The following SPAG17 variants were observed in gnomAD, a reference collection of about 807,000 sequenced individuals.
The protein encoded by SPAG17 is sperm-associated antigen 17.
Under a neutral mutation model 273.6 loss-of-function variants are expected in SPAG17, and 169 were observed. That is an observed-to-expected ratio of 0.62 (90% CI 0.55 to 0.70). The LOEUF is 0.70. Ranked by LOEUF, SPAG17 falls within the 30% of genes least tolerant of loss-of-function variation. The pLI is 0.00. For missense variants in SPAG17, 2,557 were observed against 2,627.8 expected (o/e 0.97, Z 0.59); for synonymous variants, 825 against 873.2 (o/e 0.94, Z 0.97).
intron 34 of SPAG17, among the ~76,000 whole-genome samples, chr1:117,995,570 G>C (rs1271559194): frequency 2.0e-5 from 3 of 151,846 alleles, no homozygotes; most frequent in Non-Finnish European, 4.4e-5. Flanking sequence ...TATTCACAAA[G>C]AGCAAGGTGT....
chr1:118,162,044 T>C (rs1433466685), intron 1 of SPAG17, among the ~76,000 whole-genome samples: 4 of 152,154 alleles, frequency 2.6e-5, no homozygotes, highest in African/African-American at 7.2e-5. Flanking sequence ...ATAATTCACA[T>C]ATCTCCTTCA....
chr1:117,961,452 T>C (rs1322939699), intron 48 of SPAG17: 2 of 152,192 alleles, frequency 1.3e-5, no homozygotes, highest in African/African-American at 4.8e-5. Context: ...TGGGGAAGTT[T>C]ATAAATGACT....
In SPAG17 at chr1:118,066,864, A is replaced by G. The variant is rs1571394760; in HGVS notation, c.2421T>C (p.Val807=). ...TGTCTTGGGTGTGGTAGTAAGAATCAACACACCTATATTGCTTATGGGCTT... is the reference window on the plus strand; with the variant it reads ...TGTCTTGGGTGTGGTAGTAAGAATCGACACACCTATATTGCTTATGGGCTT... The part of the protein sequence containing the change: ...LQEAHKQYRC[V]DSYYHTQDNS... The change falls in exon 18 of 49, where the codon GTT becomes GTC. Residue 807 remains valine (V), a synonymous_variant. Transcript: ENST00000336338. 1.2e-6 allele frequency: 2 copies of G among 1,613,856 alleles called. No homozygotes were observed. Among genetic ancestry groups the G allele is most frequent in the Non-Finnish European group, 1.7e-6 (2 of 1,179,874 alleles).
chr1:118,099,890 T>C lies in SPAG17; in HGVS notation c.635-90A>G, dbSNP rs1448936053. 4.5e-6 allele frequency: 5 copies of C among 1,108,326 alleles called. No individual in the cohort carries two copies. In the African/African-American group the frequency reaches 4.7e-5, roughly 10 times the overall value. The allele number at this position is 1,108,326 out of a possible 1,614,324, so 68.7% of individuals were successfully genotyped here. On this transcript the variant is annotated intron_variant, in intron 5 of 48. Transcript: ENST00000336338. ...GTTCAATGGCTATATACATTATGCA[T>C]GCATTTATAATCCCTCTGGCTTGCC...
rs778154577 is a variant in SPAG17 at position 118,028,279 on chromosome 1, G to T, written c.3725C>A (p.Ser1242Tyr). 7 of 1,613,286 alleles carry T rather than the reference G, an allele frequency of 4.3e-6. No homozygotes were observed. The highest frequency in any genetic ancestry group is 8.5e-7 in the Non-Finnish European group (1 of 1,179,542). The change falls in exon 26 of 49, where the codon TCT becomes TAT. Residue 1242 changes from serine (S) to tyrosine (Y), a missense_variant. Physicochemically the swap from Ser to Tyr is moderately radical, Grantham distance 144 (BLOSUM62 -2). Coordinates refer to ENST00000336338, the MANE Select transcript of SPAG17 (RefSeq NM_206996.4). ...GLLLTFIGQE[S>Y]TGQYVIDEEP... ...CTACCCCATATAGCACTTACCTGTA[G>T]ATTCTTGTCCAATGAAAGTCAACAG...
intron 20 of SPAG17, among the ~76,000 whole-genome samples, chr1:118,045,314 C>T (rs1221361069): frequency 1.3e-5 from 2 of 152,136 alleles, no homozygotes; most frequent in African/African-American, 4.8e-5. Flanking sequence ...ATCCCCAAAC[C>T]CCTCAGGAGG....
chr1:117,987,768 A>G (rs367781811), intron 40 of SPAG17, 66 bp downstream of exon 40: 2 of 1,549,336 alleles, frequency 1.3e-6, no homozygotes, highest in Non-Finnish European at 1.8e-6. Flanking sequence ...ATTTTGGCCT[A>G]TCCCATTCTC....
chr1:117,978,960 C>T (rs1471026066), intron 43 of SPAG17, among the ~76,000 whole-genome samples: 4 of 151,818 alleles, frequency 2.6e-5, no homozygotes, highest in Admixed American at 6.6e-5. Flanking sequence ...CTCTACCTCC[C>T]TGGTTCAAGC....
Position 118,031,586 on chromosome 1 carries a change from T to G in SPAG17, c.3609+106A>C, listed in dbSNP as rs1409054. On this transcript the variant is annotated intron_variant, in intron 25 of 48. Transcript: ENST00000336338. The stretch of plus-strand genomic sequence containing the variant: ...AAGGGACGTTAATGTATCTGCACAA[T>G]AAAACGTATGCACTATAATAACACT... 1.6e-3 allele frequency: 1,839 copies of G among 1,183,822 alleles called. 18 individuals are homozygous for G. The African/African-American group carries it at 0.025, about 16-fold the overall frequency. The allele number at this position is 1,183,822 out of a possible 1,614,324, so 73.3% of individuals were successfully genotyped here. A position where few individuals can be genotyped will look rare whatever the true frequency, so the allele number is the denominator to read the frequency against.
At chr1:118,097,227 C>CA (rs5777334) in intron 7 of SPAG17, among the ~76,000 whole-genome samples, 151 of 129,762 alleles carry the variant, frequency 1.2e-3, no homozygotes, top group East Asian at 3.9e-3. Context: ...AAGACTGTCT[C>CA]AAAAAAAAAA....
chr1:118,148,008 A>G (rs144699786), intron 3 of SPAG17, among the ~76,000 whole-genome samples: 1 of 152,338 alleles, frequency 6.6e-6, no homozygotes, highest in East Asian at 1.9e-4. Context: ...CCCTACAAGT[A>G]GAAGTAAATA....
At chr1:118,023,619 G>C (rs1349003266) in intron 27 of SPAG17, among the ~76,000 whole-genome samples, 156 bp from the exon 28 acceptor site, 2 of 152,110 alleles carry the variant, frequency 1.3e-5, no homozygotes, top group Non-Finnish European at 2.9e-5. Context: ...GTAGATTATA[G>C]AAAGGTAGAT....
intron 3 of SPAG17, among the ~76,000 whole-genome samples, chr1:118,140,641 T>C (rs1658628922): frequency 6.6e-6 from 1 of 152,214 alleles, no homozygotes; most frequent in African/African-American, 2.4e-5. Context: ...TTCTTCCTTC[T>C]AAATATTCTC....
chr1:117,996,826 A>G, intron 32 of SPAG17, 83 bp from the exon 33 acceptor site: 1 of 1,401,762 alleles, frequency 7.1e-7, no homozygotes, highest in Non-Finnish European at 9.6e-7. Context: ...GAGAAAACAG[A>G]TGATTTGGTG....
At chr1:118,128,798 A>G (rs934510774) in intron 3 of SPAG17, among the ~76,000 whole-genome samples, 1 of 152,126 alleles carries the variant, frequency 6.6e-6, no homozygotes, top group Non-Finnish European at 1.5e-5. Flanking sequence ...CCATCATGTC[A>G]CCTTCCTTCA....
chr1:118,025,485 A>G (rs1417399605), intron 26 of SPAG17, 69 bp from the exon 27 acceptor site: 1 of 1,147,486 alleles, frequency 8.7e-7, no homozygotes, highest in African/African-American at 1.6e-5. Context: ...CATCTTGCTT[A>G]ATTATTTTCT....
At chr1:117,994,568 T>A in intron 34 of SPAG17, 38 bp from the exon 35 acceptor site, 1 of 1,577,522 alleles carries the variant, frequency 6.3e-7, no homozygotes, top group Admixed American at 1.9e-5. Flanking sequence ...CATTACCCAT[T>A]GAAAGTACTC....
intron 38 of SPAG17, among the ~76,000 whole-genome samples, chr1:117,989,380 C>T (rs999664568): frequency 6.6e-6 from 1 of 151,820 alleles, no homozygotes; most frequent in Non-Finnish European, 1.5e-5. Flanking sequence ...GATCACATAA[C>T]GAAAAAGGAA....
intron 1 of SPAG17, among the ~76,000 whole-genome samples, chr1:118,184,555 C>T (rs975852484): frequency 6.6e-6 from 1 of 152,158 alleles, no homozygotes; most frequent in Non-Finnish European, 1.5e-5. Flanking sequence ...ATAGTGGGAT[C>T]AGGGCATTAC....
Sources: gnomAD v4.1 joint callset for allele counts (sites outside exome capture counted in the v4.1 genomes callset) on GRCh38, gnomAD v4.1.1 for gene constraint, MANE v1.5 for transcripts, NCBI Gene and HGNC (gene_info 2026-07-23, HGNC 2026-07-21) for gene names.